Variants in UNC5D observed in about 807,000 individuals in gnomAD.
UNC5D encodes netrin receptor UNC5D.
Under a neutral mutation model 105.4 loss-of-function variants are expected in UNC5D, and 39 were observed. The observed-to-expected ratio is 0.37, with a 90% CI of 0.29 to 0.48. UNC5D has a LOEUF of 0.48. Among genes scored for constraint, UNC5D ranks in the 20% least tolerant of loss-of-function variants. The pLI is 0.98. For missense variants in UNC5D, 991 were observed against 1,202.4 expected (o/e 0.82, Z 2.60); for synonymous variants, 452 against 450.4 (o/e 1.00, Z -0.04).
intron 15 of UNC5D, 46 bp from the exon 16 acceptor site, chr8:35,774,253 C>G: frequency 1.2e-6 from 2 of 1,605,348 alleles, no homozygotes; most frequent in Non-Finnish European, 1.7e-6. Context: ...TTGGTCAGGA[C>G]TGCTTTCAGA....
At chr8:35,502,959 T>C (rs959797313) in intron 1 of UNC5D, among the ~76,000 whole-genome samples, 1 of 152,222 alleles carries the variant, frequency 6.6e-6, no homozygotes, top group Non-Finnish European at 1.5e-5. Flanking sequence ...AGCTCCTTGC[T>C]ACTCAAAGTG....
intron 2 of UNC5D, among the ~76,000 whole-genome samples, chr8:35,551,821 A>C (rs1202131137): frequency 1.3e-5 from 2 of 152,014 alleles, no homozygotes; most frequent in Non-Finnish European, 2.9e-5. Flanking sequence ...CGTCTAAAAA[A>C]AAAAAGAAAA....
At chr8:35,237,534 C>A (rs984982881) in intron 1 of UNC5D, among the ~76,000 whole-genome samples, 1 of 152,038 alleles carries the variant, frequency 6.6e-6, no homozygotes, top group Admixed American at 6.5e-5. Context: ...GAAGCCAGCT[C>A]GAAACAAGAG....
At chr8:35,783,988 A>G (rs188365716) in intron 16 of UNC5D, among the ~76,000 whole-genome samples, 290 of 152,238 alleles carry the variant, frequency 1.9e-3, no homozygotes, top group African/African-American at 6.8e-3. Flanking sequence ...AGATTCTATA[A>G]AAAAATTTGC....
intron 7 of UNC5D, among the ~76,000 whole-genome samples, chr8:35,702,751 C>CGG (rs1283248436): frequency 6.6e-6 from 1 of 152,138 alleles, no homozygotes; most frequent in African/African-American, 2.4e-5. Flanking sequence ...AGATTCCTGT[C>CGG]AAGGTACTGT....
chr8:35,695,710 ATTAT>A (rs59029374), intron 7 of UNC5D, among the ~76,000 whole-genome samples: 5,129 of 146,372 alleles, frequency 0.035, 184 homozygotes, highest in Admixed American at 0.099. Flanking sequence ...GTATTTTTAT[ATTAT>A]TTATTTATTT....
intron 7 of UNC5D, among the ~76,000 whole-genome samples, chr8:35,698,236 C>CT (rs397893134): frequency 0.011 from 1,513 of 139,826 alleles, 12 homozygotes; most frequent in African/African-American, 0.019. Context: ...CACATAGCTC[C>CT]TTTTTTTTTT....
intron 11 of UNC5D, among the ~76,000 whole-genome samples, chr8:35,745,612 G>A (rs16884373): frequency 0.036 from 5,446 of 152,094 alleles, 222 homozygotes; most frequent in Admixed American, 0.1. Context: ...AAATAAGACC[G>A]GGCTCTTAAA....
chr8:35,748,436 A>C, intron 11 of UNC5D, 91 bp from the exon 12 acceptor site: 2 of 1,361,174 alleles, frequency 1.5e-6, no homozygotes, highest in Non-Finnish European at 2.0e-6. Flanking sequence ...TATAAGCCTG[A>C]AGAAAACCCC....
intron 4 of UNC5D, among the ~76,000 whole-genome samples, chr8:35,640,778 A>G (rs1358769595): frequency 6.6e-6 from 1 of 152,166 alleles, no homozygotes; most frequent in East Asian, 1.9e-4. Context: ...ATTGTCTATG[A>G]AGTAGACTAT....
At chr8:35,267,082 ATTT>A (rs36035512) in intron 1 of UNC5D, among the ~76,000 whole-genome samples, 8 of 137,230 alleles carry the variant, frequency 5.8e-5, no homozygotes, top group Non-Finnish European at 4.7e-5. Flanking sequence ...ACAGGGACTG[ATTT>A]TTTTTTTTTT....
chr8:35,239,638 G>C (rs567028338), intron 1 of UNC5D, among the ~76,000 whole-genome samples: 16 of 152,156 alleles, frequency 1.1e-4, no homozygotes, highest in Admixed American at 9.8e-4. Flanking sequence ...AGGCACATGT[G>C]TTCACAGGGA....
At chr8:35,319,934 CT>C (rs1170761287) in intron 1 of UNC5D, among the ~76,000 whole-genome samples, 2 of 152,034 alleles carry the variant, frequency 1.3e-5, no homozygotes, top group African/African-American at 4.8e-5. Context: ...CTCTTGAAGC[CT>C]CTTGCCATGT....
At chr8:35,267,166 C>G (rs1326888941) in intron 1 of UNC5D, among the ~76,000 whole-genome samples, 5 of 149,446 alleles carry the variant, frequency 3.3e-5, no homozygotes, top group Middle Eastern at 3.6e-3. Context: ...ATAAATTTTG[C>G]AAGTGTAATC....
At position 35,244,465 on chromosome 8, in the gene UNC5D, G is replaced by A. The variant is rs758211687; in HGVS notation, c.103+8578G>A. Among the ~76,000 whole-genome samples the A allele has an allele frequency of 1.5e-4, 23 of 152,296 alleles. 1 individual carries two copies. The highest frequency in any genetic ancestry group is 1.9e-4 in the East Asian group (1 of 5,178). On this transcript the variant is annotated intron_variant, in intron 1 of 16. Transcript: ENST00000404895. ...ACTGCCTATTGTGCCTTCTTGGTCT[G>A]TAGGGTGGTATGTTTCTCATGGTTA...
intron 13 of UNC5D, among the ~76,000 whole-genome samples, chr8:35,753,329 C>T (rs915825148): frequency 2.2e-4 from 34 of 152,034 alleles, no homozygotes; most frequent in Admixed American, 4.6e-4. Flanking sequence ...AGTGCAGTGG[C>T]GTGATCTCAG....
intron 4 of UNC5D, among the ~76,000 whole-genome samples, chr8:35,646,508 A>T (rs1823059528): frequency 6.6e-6 from 1 of 152,104 alleles, no homozygotes; most frequent in African/African-American, 2.4e-5. Context: ...ACCCAGGATT[A>T]TGGAAACATG....
At chr8:35,517,802 T>A (rs1232057440) in intron 1 of UNC5D, among the ~76,000 whole-genome samples, 1 of 152,192 alleles carries the variant, frequency 6.6e-6, no homozygotes, top group Non-Finnish European at 1.5e-5. Flanking sequence ...TTTCTTGTAG[T>A]TCTGGAGCTT....
chr8:35,517,205 C>T (rs377424249), intron 1 of UNC5D, among the ~76,000 whole-genome samples: 270 of 152,226 alleles, frequency 1.8e-3, no homozygotes, highest in African/African-American at 6.3e-3. Flanking sequence ...CAGACACGTG[C>T]CTCTCTTTAA....
Sources: gnomAD v4.1 joint callset for allele counts (sites outside exome capture counted in the v4.1 genomes callset) on GRCh38, gnomAD v4.1.1 for gene constraint, MANE v1.5 for transcripts, NCBI Gene and HGNC (gene_info 2026-07-23, HGNC 2026-07-21) for gene names.